DGKD: variants seen among roughly 807,000 people sequenced by gnomAD.
The protein encoded by DGKD is DAG kinase delta.
Under a neutral mutation model 154.4 loss-of-function variants are expected in DGKD, and 68 were observed. The observed-to-expected ratio is 0.44, with a 90% CI of 0.36 to 0.54. The LOEUF (loss-of-function observed/expected upper bound fraction) is 0.54. Ranked by LOEUF, DGKD falls within the 20% of genes least tolerant of loss-of-function variation. The pLI, the probability that DGKD is intolerant of heterozygous loss-of-function variation, is 0.00. For synonymous variants in DGKD, 693 were observed against 638.0 expected, an observed-to-expected ratio of 1.09 and a Z score of -1.30; for missense variants, 1,343 against 1,593.6, an observed-to-expected ratio of 0.84 and a Z score of 2.68.
intron 3 of DGKD, among the ~76,000 whole-genome samples, chr2:233,409,497 C>T (rs1472205669): frequency 2.7e-5 from 4 of 150,674 alleles, no homozygotes; most frequent in Non-Finnish European, 3.0e-5. Context: ...AGCCAAGTTC[C>T]GTCTGTCTGG....
intron 3 of DGKD, among the ~76,000 whole-genome samples, chr2:233,410,756 A>G (rs900465180): frequency 6.6e-6 from 1 of 152,198 alleles, no homozygotes; most frequent in Non-Finnish European, 1.5e-5. Flanking sequence ...TAAGGTGTAC[A>G]GTTTGATAGT....
At position 233,456,971 on chromosome 2, in the gene DGKD, C is replaced by T. The variant is rs764738689; in HGVS notation, c.2448C>T (p.Asn816=). The change falls in exon 20 of 30, where the codon AAC becomes AAT. Residue 816 remains asparagine, a synonymous_variant. Transcript: ENST00000264057. ...AGTTGCTGCACAGAACCTACAAGAA[C>T]CTGGAGCAAAAGGTCTTGCTGGAGG... ...TKELLHRTYK[N]LEQKVLLECD... 2.5e-6 allele frequency: 4 copies of T among 1,614,174 alleles called. No homozygotes were observed. Among genetic ancestry groups the T allele is most frequent in the Non-Finnish European group, 3.4e-6 (4 of 1,179,994 alleles).
chr2:233,405,537 A>G (rs572834702), intron 3 of DGKD, among the ~76,000 whole-genome samples: 2 of 150,736 alleles, frequency 1.3e-5, no homozygotes, highest in South Asian at 2.1e-4. Flanking sequence ...AAAAAGAAAG[A>G]AAAAAAAAGA....
intron 3 of DGKD, among the ~76,000 whole-genome samples, chr2:233,422,679 A>G (rs186268015): frequency 2.8e-4 from 42 of 152,322 alleles, no homozygotes; most frequent in Admixed American, 1.4e-3. Flanking sequence ...GAAACACAGC[A>G]TTGTTCTGGA....
At chr2:233,464,097 C>T (rs371389790) in intron 26 of DGKD, 67 bp from the exon 27 acceptor site, 35 of 1,602,196 alleles carry the variant, frequency 2.2e-5, no homozygotes, top group Middle Eastern at 1.7e-4. Flanking sequence ...ACCTCACCCC[C>T]CTGGGCCTCG....
At chr2:233,374,173 C>T (rs1286985030) in intron 1 of DGKD, among the ~76,000 whole-genome samples, 1 of 151,808 alleles carries the variant, frequency 6.6e-6, no homozygotes, top group Non-Finnish European at 1.5e-5. Flanking sequence ...GCCTCAGCCT[C>T]CTGAGTAGCT....
In DGKD at chr2:233,458,994, G is replaced by C. The variant is rs916934981; in HGVS notation, c.2694+597G>C. ...AGCAGACCCAGGCTGGACTCTGCCC[G>C]TGTCTGCAGCTGTCAAAGCCGCAGT... is the stretch of plus-strand genomic sequence containing the variant. On this transcript the variant is annotated intron_variant, in intron 22 of 29. Coordinates refer to ENST00000264057, the MANE Select transcript of DGKD (RefSeq NM_152879.3). This position sits in a 1 kb window ranked among gnomAD's most constrained non-coding sequence, Gnocchi z 6.6. Among the ~76,000 whole-genome samples the C allele has an allele frequency of 1.3e-5, 2 of 152,234 alleles. No individual in the cohort carries two copies. Among genetic ancestry groups the C allele is most frequent in the Non-Finnish European group, 2.9e-5 (2 of 68,050 alleles).
At chr2:233,442,332 G>T in intron 10 of DGKD, 1 of 429,840 alleles carries the variant, frequency 2.3e-6, no homozygotes, top group South Asian at 2.0e-5. Flanking sequence ...CCTCTTGCTT[G>T]TGAGAAGGGG....
chr2:233,363,776 C>A (rs761084266), intron 1 of DGKD, among the ~76,000 whole-genome samples: 8 of 152,180 alleles, frequency 5.3e-5, no homozygotes, highest in Non-Finnish European at 1.2e-4. Context: ...CAAATACTTG[C>A]CGTTGAGTTA....
rs1461347003 is a variant in DGKD at position 233,467,346 on chromosome 2, C to A, written c.3424+143C>A. Reference sequence around the variant, plus strand: ...TGTAACCCCCGGTCCTGCGACCACACTTGTCTGTTGGTAGCTGCAGCCCTC... The same window carrying A: ...TGTAACCCCCGGTCCTGCGACCACAATTGTCTGTTGGTAGCTGCAGCCCTC... On this transcript the variant is annotated intron_variant, in intron 28 of 29. Transcript: ENST00000264057. 21 of 698,260 alleles carry A rather than the reference C, an allele frequency of 3.0e-5. No homozygotes were observed. The East Asian group carries it at 5.3e-4, about 18-fold the overall frequency. 43.3% of individuals were successfully genotyped at this position (698,260 alleles called of 1,614,324 possible).
At chr2:233,443,335 C>T (rs1429271415) in intron 10 of DGKD, among the ~76,000 whole-genome samples, 1 of 151,950 alleles carries the variant, frequency 6.6e-6, no homozygotes, top group Non-Finnish European at 1.5e-5. Flanking sequence ...CTCATTTTCT[C>T]TTTGAGTATT....
intron 10 of DGKD, among the ~76,000 whole-genome samples, chr2:233,443,747 G>A (rs1223825622): frequency 1.3e-5 from 2 of 152,292 alleles, no homozygotes; most frequent in Admixed American, 6.5e-5. Context: ...GATTAGCATA[G>A]ACTACTCTAA....
intron 3 of DGKD, among the ~76,000 whole-genome samples, chr2:233,424,443 A>G (rs1335158219): frequency 6.6e-6 from 1 of 152,216 alleles, no homozygotes; most frequent in Non-Finnish European, 1.5e-5. Flanking sequence ...TGGGAGGGAC[A>G]ACTAGTCAGA....
chr2:233,446,730 C>G lies in DGKD; in HGVS notation c.1353C>G (p.Tyr451Ter). Residue 451 changes from tyrosine to a stop codon, truncating the protein, a stop_gained, in exon 12 of 30, where the codon TAC (tyrosine) becomes TAG (stop). Coordinates refer to ENST00000264057, the MANE Select transcript of DGKD (RefSeq NM_152879.3). LOFTEE classifies it high-confidence loss of function. ...KMLDRWSVMA[Y>*]EAKLPRQASS... ...TGTGCAGGTGGAGCGTCATGGCATA[C>G]GAGGCCAAGCTCCCCCGGCAGGCCT... The G allele has an allele frequency of 1.2e-6, 2 of 1,613,986 alleles. No individual in the cohort carries two copies. The highest frequency in any genetic ancestry group is 2.2e-5 in the East Asian group (1 of 44,882).
intron 3 of DGKD, among the ~76,000 whole-genome samples, chr2:233,415,353 G>C (rs2061935484): frequency 6.6e-6 from 1 of 152,224 alleles, no homozygotes; most frequent in South Asian, 2.1e-4. Flanking sequence ...AGTGCCATCA[G>C]GGTGGCTGCC....
chr2:233,468,317 G>A (rs921444945), intron 28 of DGKD, 106 bp from the exon 29 acceptor site: 16 of 1,414,034 alleles, frequency 1.1e-5, no homozygotes, highest in South Asian at 2.7e-5. Flanking sequence ...CTGTTGGGAC[G>A]TCTCCTGTCC....
chr2:233,383,784 G>A (rs1263674957), intron 1 of DGKD, among the ~76,000 whole-genome samples: 1 of 152,212 alleles, frequency 6.6e-6, no homozygotes, highest in East Asian at 1.9e-4. Context: ...GGCTATCTTT[G>A]GTCCCCAAAT....
intron 3 of DGKD, among the ~76,000 whole-genome samples, chr2:233,396,623 G>T (rs1442895034): frequency 6.6e-6 from 1 of 152,220 alleles, no homozygotes; most frequent in Non-Finnish European, 1.5e-5. Flanking sequence ...GGGCTGGGCA[G>T]TCTTCTCAGA....
intron 3 of DGKD, among the ~76,000 whole-genome samples, chr2:233,393,169 C>T (rs1450394726): frequency 6.6e-6 from 1 of 151,386 alleles, no homozygotes; most frequent in Non-Finnish European, 1.5e-5. Context: ...GGATTGCAGG[C>T]ACCTGCCACC....
Sources: allele counts gnomAD v4.1 joint callset (sites outside exome capture counted in the v4.1 genomes callset), GRCh38; gene constraint gnomAD v4.1.1; non-coding constraint Gnocchi (gnomAD v3.1); transcripts MANE v1.5; gene names NCBI Gene and HGNC (gene_info 2026-07-23, HGNC 2026-07-21).